NMU: variants seen among roughly 807,000 people sequenced by gnomAD.
NMU encodes the protein neuromedin-U.
NMU carries 29 observed loss-of-function variants against 35.4 expected under a neutral mutation model. That is an observed-to-expected ratio of 0.82 (90% confidence interval 0.61 to 1.12). NMU has a LOEUF of 1.12. Ranked by LOEUF, NMU falls within the 50% of genes most tolerant of loss-of-function variation. The pLI is 0.00. For missense variants in NMU, 199 were observed against 206.2 expected, an observed-to-expected ratio of 0.97 and a Z score of 0.21; for synonymous variants, 78 against 81.3, an observed-to-expected ratio of 0.96 and a Z score of 0.22.
At chr4:55,603,739 C>T (rs1439574886) in intron 7 of NMU, among the ~76,000 whole-genome samples, 1 of 150,924 alleles carries the variant, frequency 6.6e-6, no homozygotes, top group African/African-American at 2.4e-5. Context: ...GGTGAAACTC[C>T]GTCTCTACTA....
In NMU at chr4:55,613,726, G is replaced by A. The variant is rs141788910; in HGVS notation, c.219+2612C>T. 6.0e-3 allele frequency among the ~76,000 whole-genome samples: 911 copies of A among 152,120 alleles called. 12 individuals are homozygous for A. Among genetic ancestry groups the A allele is most frequent in the African/African-American group, 0.021 (867 of 41,486 alleles). Reference sequence around the variant, plus strand: ...TGAGGCATGAGTAAATATGTCACAAGCAGAGGTTTGAAACCCAATTAGGTG... The same window carrying A: ...TGAGGCATGAGTAAATATGTCACAAACAGAGGTTTGAAACCCAATTAGGTG... On this transcript the variant is annotated intron_variant, in intron 3 of 9. Transcript: ENST00000264218.
chr4:55,595,643 A>T (rs9762831), intron 9 of NMU, among the ~76,000 whole-genome samples: 22,285 of 66,076 alleles, frequency 0.34, 2,615 homozygotes, highest in South Asian at 0.44. Flanking sequence ...ATATATATAT[A>T]TTTTTTTTTT....
chr4:55,619,894 A>C (rs1734313048), intron 2 of NMU, among the ~76,000 whole-genome samples: 1 of 128,622 alleles, frequency 7.8e-6, no homozygotes, highest in Non-Finnish European at 1.7e-5. Context: ...GGCACCCCCC[A>C]GCAGGGGCAC....
rs551243443 is a variant in NMU at position 55,635,889 on chromosome 4, G to T, written c.112+192C>A. 2.6e-5 allele frequency among the ~76,000 whole-genome samples: 4 copies of T among 152,344 alleles called. No individual in the cohort carries two copies. The South Asian group carries it at 8.3e-4, about 32-fold the overall frequency. Reference sequence around the variant, plus strand: ...TATTTCGGCCCTGGCCGGGCCCCTTGCTCCTACGTCGCTAGTTGCCCTGGG... The same window carrying T: ...TATTTCGGCCCTGGCCGGGCCCCTTTCTCCTACGTCGCTAGTTGCCCTGGG... On this transcript the variant is annotated intron_variant, in intron 1 of 9. Transcript: ENST00000264218.
chr4:55,627,394 A>T (rs949268655), intron 2 of NMU, among the ~76,000 whole-genome samples: 4 of 114,220 alleles, frequency 3.5e-5, no homozygotes, highest in Non-Finnish European at 7.5e-5. Flanking sequence ...TAAATTTTAA[A>T]GTTTTTTTTT....
chr4:55,626,105 T>C (rs988031210), intron 2 of NMU, among the ~76,000 whole-genome samples: 31 of 152,174 alleles, frequency 2.0e-4, no homozygotes, highest in African/African-American at 6.8e-4. Flanking sequence ...TGCCCAGCAA[T>C]GCATGAGAAT....
intron 9 of NMU, among the ~76,000 whole-genome samples, chr4:55,598,373 T>C (rs778737056): frequency 7.9e-5 from 12 of 152,174 alleles, no homozygotes; most frequent in Non-Finnish European, 1.5e-4. Flanking sequence ...ATGCCCAGTC[T>C]AAAATGAATG....
At chr4:55,630,291 T>C in intron 2 of NMU, 111 bp downstream of exon 2, 1 of 872,004 alleles carries the variant, frequency 1.1e-6, no homozygotes, top group Non-Finnish European at 1.9e-6. Flanking sequence ...GGTTTTATTA[T>C]TAGAGTGTTG....
intron 3 of NMU, among the ~76,000 whole-genome samples, chr4:55,614,270 A>G (rs1295829748): frequency 6.6e-6 from 1 of 152,144 alleles, no homozygotes; most frequent in Admixed American, 6.5e-5. Flanking sequence ...TTTTGTATGT[A>G]TTCTTCCAGA....
At chr4:55,634,204 C>A (rs968835742) in intron 1 of NMU, among the ~76,000 whole-genome samples, 1 of 151,788 alleles carries the variant, frequency 6.6e-6, no homozygotes, top group African/African-American at 2.4e-5. Context: ...ACGCCCCCCT[C>A]GGTGCCATCT....
chr4:55,615,027 A>G (rs1271423507), intron 3 of NMU, among the ~76,000 whole-genome samples: 1 of 152,188 alleles, frequency 6.6e-6, no homozygotes, highest in Non-Finnish European at 1.5e-5. Flanking sequence ...TGGCCAGGAA[A>G]ACACAACTGG....
Position 55,597,576 on chromosome 4 carries a change from C to G in NMU, c.*4+1566G>C, listed in dbSNP as rs187542603. Among the ~76,000 whole-genome samples, 1,506 of 152,226 alleles carry G rather than the reference C, an allele frequency of 9.9e-3. 17 individuals are homozygous for G. The highest frequency in any genetic ancestry group is 0.041 in the Middle Eastern group (12 of 294). On this transcript the variant is annotated intron_variant, in intron 9 of 9. Transcript: ENST00000264218. ...AGAGACAGGATTTCTCCATGTTGGT[C>G]AGGCTGGTCAGGCTCCCGACCTCAG...
intron 9 of NMU, among the ~76,000 whole-genome samples, chr4:55,596,225 A>G (rs2110176181): frequency 6.6e-6 from 1 of 152,300 alleles, no homozygotes; most frequent in Non-Finnish European, 1.5e-5. Context: ...AGAAAATCAG[A>G]TGAGAAAAAC....
Position 55,618,706 on chromosome 4 carries a change from CTT to C in NMU, c.172-2323_172-2322del, listed in dbSNP as rs1228325825. Among the ~76,000 whole-genome samples the C allele has an allele frequency of 2.6e-3, 345 of 130,654 alleles. 2 individuals carry two copies. Among genetic ancestry groups the C allele is most frequent in the African/African-American group, 8.9e-3 (322 of 36,036 alleles). 85.7% of individuals were successfully genotyped at this position (130,654 alleles called of 152,430 possible). On this transcript the variant is annotated intron_variant, in intron 2 of 9. Transcript: ENST00000264218. The stretch of plus-strand genomic sequence containing the variant: ...TCTCTCTTTCTTCTCTCTCTTCTTT[CTT>C]TTTCTTTCTTCTCTCTTTCTTCTTT...
At chr4:55,636,374 C>T, upstream of NMU, 1 of 928,084 alleles carries the variant, frequency 1.1e-6, no homozygotes, top group East Asian at 3.4e-5. The surrounding 1 kb of genome is among the most constrained non-coding windows in gnomAD (Gnocchi z 4.0). Context: ...CCGCGCGTCA[C>T]CTCGCCGCCT....
intron 1 of NMU, among the ~76,000 whole-genome samples, chr4:55,632,832 G>A (rs927555042): frequency 2.0e-5 from 3 of 152,058 alleles, no homozygotes; most frequent in Non-Finnish European, 4.4e-5. Context: ...TGGAGAGTTT[G>A]CTTCTTTCCA....
chr4:55,635,059 CT>C (rs1417870290), intron 1 of NMU, among the ~76,000 whole-genome samples: 6 of 152,178 alleles, frequency 3.9e-5, no homozygotes, highest in Admixed American at 2.0e-4. Context: ...ACCCAACGTT[CT>C]GAACAATGAC....
chr4:55,595,423 G>C lies in NMU; in HGVS notation c.*5-12C>G, dbSNP rs1733125980. 1 of 151,296 alleles carries C rather than the reference G, an allele frequency of 6.6e-6. No individual in the cohort carries two copies. The highest frequency in any genetic ancestry group is 1.5e-5 in the Non-Finnish European group (1 of 67,792). 9.4% of individuals were successfully genotyped at this position (151,296 alleles called of 1,614,324 possible). ...AATTAGCTGGCATCCTGTAAAAAAAGAAAAATTGAATTAAAGTGTAAATGA... is the reference window on the plus strand; with the variant it reads ...AATTAGCTGGCATCCTGTAAAAAAACAAAAATTGAATTAAAGTGTAAATGA... On this transcript the variant is annotated splice_polypyrimidine_tract_variant and intron_variant, in intron 9 of 9. Transcript: ENST00000264218.
intron 2 of NMU, among the ~76,000 whole-genome samples, chr4:55,616,943 T>C (rs1308562140): frequency 6.6e-6 from 1 of 152,224 alleles, no homozygotes; most frequent in Non-Finnish European, 1.5e-5. Context: ...CTAACTATTT[T>C]CAGTCCTTAT....
Sources: gnomAD v4.1 joint callset for allele counts (sites outside exome capture counted in the v4.1 genomes callset) on GRCh38, gnomAD v4.1.1 for gene constraint, Gnocchi (gnomAD v3.1) non-coding constraint, MANE v1.5 for transcripts, NCBI Gene and HGNC (gene_info 2026-07-23, HGNC 2026-07-21) for gene names.